UNC13B: variants seen among roughly 807,000 people sequenced by gnomAD.
UNC13B encodes the protein unc-13 homolog B.
A neutral mutation model predicts 211.0 loss-of-function variants in UNC13B; 144 were observed. That is an observed-to-expected ratio of 0.68 (90% confidence interval 0.60 to 0.78). The LOEUF (loss-of-function observed/expected upper bound fraction) is 0.78, where lower values mean the gene tolerates loss of function less well. UNC13B is among the 30% of genes least tolerant of loss of function. The probability of loss-of-function intolerance (pLI) is 0.00; values close to 1 mark genes in which losing one functional copy is unlikely to be tolerated. For synonymous variants in UNC13B, 709 were observed against 725.8 expected, an observed-to-expected ratio of 0.98 and a Z score of 0.37; for missense variants, 1,777 against 2,002.0, an observed-to-expected ratio of 0.89 and a Z score of 2.14.
At chr9:35,240,188 GTTC>G (rs1825730201) in intron 5 of UNC13B, among the ~76,000 whole-genome samples, 1 of 152,184 alleles carries the variant, frequency 6.6e-6, no homozygotes, top group African/African-American at 2.4e-5. Context: ...CACAATTTAT[GTTC>G]TTCTGCCATG....
chr9:35,256,772 A>G (rs984546227), intron 6 of UNC13B, among the ~76,000 whole-genome samples: 15 of 152,218 alleles, frequency 9.9e-5, no homozygotes, highest in Non-Finnish European at 1.9e-4. Flanking sequence ...CACTTATTTA[A>G]TATGATAGAT....
intron 11 of UNC13B, among the ~76,000 whole-genome samples, chr9:35,340,353 A>G (rs1454893264): frequency 6.6e-6 from 1 of 152,226 alleles, no homozygotes; most frequent in Non-Finnish European, 1.5e-5. Context: ...TTGAGGGGGA[A>G]GCAATGTTAT....
chr9:35,253,872 TATTA>T (rs1189192496), intron 6 of UNC13B, among the ~76,000 whole-genome samples: 1 of 152,246 alleles, frequency 6.6e-6, no homozygotes, highest in East Asian at 1.9e-4. Context: ...CCTTAGTAGA[TATTA>T]CTAAATTGCT....
intron 1 of UNC13B, among the ~76,000 whole-genome samples, chr9:35,168,134 T>C (rs1169487511): frequency 2.6e-5 from 4 of 152,060 alleles, no homozygotes; most frequent in Admixed American, 2.6e-4. Context: ...CCCAGGCTGG[T>C]CTTGAACTTC....
chr9:35,213,833 A>G (rs186049198), intron 1 of UNC13B, among the ~76,000 whole-genome samples: 93 of 152,308 alleles, frequency 6.1e-4, no homozygotes, highest in Admixed American at 1.6e-3. Flanking sequence ...ATGGTTCAGC[A>G]ATCCCTAAGC....
At chr9:35,337,738 C>G (rs1300155197) in intron 11 of UNC13B, among the ~76,000 whole-genome samples, 2 of 152,228 alleles carry the variant, frequency 1.3e-5, no homozygotes, top group Non-Finnish European at 2.9e-5. Flanking sequence ...AACTCATCTG[C>G]TGGTTAGGGA....
intron 11 of UNC13B, among the ~76,000 whole-genome samples, chr9:35,340,713 G>A (rs1383761429): frequency 6.6e-6 from 1 of 152,204 alleles, no homozygotes; most frequent in Non-Finnish European, 1.5e-5. Context: ...AAGCTCAGGG[G>A]AGTCAGAAGA....
At chr9:35,381,749 G>C in intron 20 of UNC13B, 30 bp downstream of exon 20, 1 of 1,607,260 alleles carries the variant, frequency 6.2e-7, no homozygotes. Flanking sequence ...CCGGGAAGTG[G>C]CTACTAATCA....
At chr9:35,238,953 T>C (rs1347281289) in intron 5 of UNC13B, among the ~76,000 whole-genome samples, 1 of 151,892 alleles carries the variant, frequency 6.6e-6, no homozygotes, top group East Asian at 1.9e-4. Flanking sequence ...CTAATAACTC[T>C]GTATATCTTT....
rs183775390 is a variant in UNC13B, at chr9:35,350,341, C to T, written c.9415-16606C>T. 2.2e-3 allele frequency among the ~76,000 whole-genome samples: 340 copies of T among 152,266 alleles called. 2 individuals are homozygous for T. Among genetic ancestry groups the T allele is most frequent in the African/African-American group, 7.8e-3 (323 of 41,558 alleles). ...TGGAGCCCTCTGTGAGGTAACCCTCCCCCACATGTCCCATGTGATATTCTC... is the reference window on the plus strand; with the variant it reads ...TGGAGCCCTCTGTGAGGTAACCCTCTCCCACATGTCCCATGTGATATTCTC... On this transcript the variant is annotated intron_variant, in intron 11 of 39. Coordinates refer to ENST00000635942, the MANE Select transcript of UNC13B (RefSeq NM_001371189.2).
chr9:35,173,702 G>T (rs558908909), intron 1 of UNC13B, among the ~76,000 whole-genome samples: 1 of 152,154 alleles, frequency 6.6e-6, no homozygotes, highest in African/African-American at 2.4e-5. Flanking sequence ...AGGATTACAG[G>T]CGTGAGCCAC....
At chr9:35,246,390 A>T (rs976438858) in intron 6 of UNC13B, among the ~76,000 whole-genome samples, 2 of 152,074 alleles carry the variant, frequency 1.3e-5, no homozygotes, top group South Asian at 2.1e-4. Context: ...TTTTGTTGCT[A>T]TTGCTTTTGG....
rs1184716506 is a variant in UNC13B, at chr9:35,301,247, A to G, written c.1843A>G (p.Lys615Glu). 1 of 398,812 alleles carries G rather than the reference A, an allele frequency of 2.5e-6. No individual in the cohort carries two copies. The highest frequency in any genetic ancestry group is 4.4e-5 in the Admixed American group (1 of 22,708). 24.7% of individuals were successfully genotyped at this position (398,812 alleles called of 1,614,324 possible). A position where few individuals can be genotyped will look rare whatever the true frequency, so the allele number is the denominator to read the frequency against. Residue 615 changes from lysine to glutamate, a missense_variant, in exon 9 of 40, where the codon AAA (lysine) becomes GAA (glutamate). Coordinates refer to ENST00000635942, the MANE Select transcript of UNC13B (RefSeq NM_001371189.2). ...DDNVNIDRHR[K>E]TSENEHMGNK... is the part of the protein sequence containing the mutation. ...TAATGTGAATATAGACAGACATAGA[A>G]AAACCTCTGAAAATGAGCACATGGG... is the stretch of plus-strand genomic sequence containing the variant.
intron 11 of UNC13B, among the ~76,000 whole-genome samples, chr9:35,365,551 T>A (rs542883057): frequency 6.6e-6 from 1 of 151,478 alleles, no homozygotes; most frequent in African/African-American, 2.5e-5. Flanking sequence ...AAGTTCTGGT[T>A]GGTAAGATCT....
intron 7 of UNC13B, among the ~76,000 whole-genome samples, chr9:35,286,123 T>G (rs1361953709): frequency 1.3e-5 from 2 of 152,182 alleles, no homozygotes; most frequent in Non-Finnish European, 2.9e-5. Flanking sequence ...CTTAGAATTT[T>G]ATGGATACTA....
intron 1 of UNC13B, among the ~76,000 whole-genome samples, chr9:35,202,632 T>C (rs984717296): frequency 5.3e-5 from 8 of 152,164 alleles, no homozygotes; most frequent in African/African-American, 1.9e-4. Context: ...TTGATCTTTG[T>C]TGGTTTAAAG....
chr9:35,365,578 GCTCCCCAACA>G (rs111945817), intron 11 of UNC13B, among the ~76,000 whole-genome samples: 12,356 of 152,144 alleles, frequency 0.081, 1,692 homozygotes, highest in African/African-American at 0.28. Flanking sequence ...TTAGGGATTG[GCTCCCCAACA>G]CTCAACCCTT....
Position 35,376,065 on chromosome 9 carries a change from T to A in UNC13B, c.9653T>A (p.Ile3218Asn). ...HVYKKTLQAL[I>N]YPISCTTPHN... ...TATAAGAAAACCCTGCAGGCCTTAA[T>A]CTACCCCATTTCGTGCACCACTCCT... Residue 3218 changes from isoleucine (I) to asparagine (N), a missense_variant, in exon 15 of 40, where the codon ATC (isoleucine) becomes AAC (asparagine). Transcript: ENST00000635942. 1 of 1,614,228 alleles carries A rather than the reference T, an allele frequency of 6.2e-7. No homozygotes were observed. Among genetic ancestry groups the A allele is most frequent in the Non-Finnish European group, 8.5e-7 (1 of 1,180,030 alleles).
intron 1 of UNC13B, among the ~76,000 whole-genome samples, chr9:35,180,114 G>A (rs116231693): frequency 1.3e-5 from 2 of 152,162 alleles, no homozygotes; most frequent in African/African-American, 4.8e-5. Context: ...TTGAACACTT[G>A]TACATGCTCA....
Sources: gnomAD v4.1 joint callset for allele counts (sites outside exome capture counted in the v4.1 genomes callset) on GRCh38, gnomAD v4.1.1 for gene constraint, MANE v1.5 for transcripts, NCBI Gene and HGNC (gene_info 2026-07-23, HGNC 2026-07-21) for gene names.